The following TBC1D22A variants were observed in gnomAD, a reference collection of about 807,000 sequenced individuals.
TBC1D22A encodes TBC1 domain family member 22A.
A neutral mutation model predicts 60.2 loss-of-function variants in TBC1D22A; 38 were observed. The observed-to-expected ratio is 0.63, with a 90% CI of 0.49 to 0.83. The LOEUF (loss-of-function observed/expected upper bound fraction) is 0.83. TBC1D22A is among the 40% of genes least tolerant of loss of function. The pLI is 0.00. For synonymous variants in TBC1D22A, 302 were observed against 281.7 expected (o/e 1.07, Z -0.72); for missense variants, 628 against 701.0 (o/e 0.90, Z 1.18).
intron 4 of TBC1D22A, among the ~76,000 whole-genome samples, chr22:46,845,157 G>A (rs1318863640): frequency 3.3e-5 from 5 of 152,226 alleles, no homozygotes; most frequent in Non-Finnish European, 7.3e-5. Flanking sequence ...AGGAAAGAAC[G>A]TAACAGTGGG....
At chr22:46,840,705 C>T (rs1308439433) in intron 4 of TBC1D22A, among the ~76,000 whole-genome samples, 1 of 151,654 alleles carries the variant, frequency 6.6e-6, no homozygotes, top group African/African-American at 2.4e-5. Context: ...TGTACTCCAG[C>T]CTGGGTGGCA....
At chr22:46,806,665 A>G (rs953224903) in intron 4 of TBC1D22A, among the ~76,000 whole-genome samples, 2 of 152,208 alleles carry the variant, frequency 1.3e-5, no homozygotes, top group African/African-American at 4.8e-5. Flanking sequence ...AAAAAAGGAT[A>G]TAAAATGTGT....
chr22:46,874,617 A>G (rs191645585), intron 4 of TBC1D22A, among the ~76,000 whole-genome samples: 201 of 114,538 alleles, frequency 1.8e-3, no homozygotes, highest in African/African-American at 6.8e-3. Context: ...CTCTGCACCC[A>G]GGCTGGAATG....
At chr22:46,822,830 G>T (rs1010269275) in intron 4 of TBC1D22A, among the ~76,000 whole-genome samples, 1 of 152,130 alleles carries the variant, frequency 6.6e-6, no homozygotes, top group African/African-American at 2.4e-5. Context: ...GTTGGTGGGG[G>T]CTGAGGTCAC....
chr22:47,028,996 C>T lies in TBC1D22A; in HGVS notation c.1202-8075C>T, dbSNP rs1421517807. ...TCCCCAGGCCACCTGCACCTCTGCC[C>T]AGCTGGCTGTAAATTCAGTGGTGTC... On this transcript the variant is annotated intron_variant, in intron 10 of 12. Coordinates refer to ENST00000337137, the MANE Select transcript of TBC1D22A (RefSeq NM_014346.5). This position sits in a 1 kb window ranked among gnomAD's most constrained non-coding sequence, Gnocchi z 4.4. Among the ~76,000 whole-genome samples, 4 of 152,218 alleles carry T rather than the reference C, an allele frequency of 2.6e-5. No homozygotes were observed. The highest frequency in any genetic ancestry group is 1.3e-4 in the Admixed American group (2 of 15,286).
chr22:47,106,423 T>C (rs2065634049), intron 11 of TBC1D22A, among the ~76,000 whole-genome samples: 2 of 152,186 alleles, frequency 1.3e-5, no homozygotes, highest in Non-Finnish European at 2.9e-5. Flanking sequence ...TTAGATTGCT[T>C]ATGAAGGAAT....
intron 11 of TBC1D22A, among the ~76,000 whole-genome samples, chr22:47,054,379 C>G (rs534835208): frequency 8.5e-5 from 13 of 152,244 alleles, no homozygotes; most frequent in Admixed American, 8.5e-4. Context: ...AGGCACCACT[C>G]GAGGTGAGGG....
chr22:46,854,355 G>T (rs886135193), intron 4 of TBC1D22A, among the ~76,000 whole-genome samples: 1 of 152,238 alleles, frequency 6.6e-6, no homozygotes, highest in Non-Finnish European at 1.5e-5. Context: ...CTGCTCCACA[G>T]TGTCGACATC....
intron 1 of TBC1D22A, among the ~76,000 whole-genome samples, chr22:46,779,410 C>T (rs1456589011): frequency 6.6e-6 from 1 of 151,950 alleles, no homozygotes; most frequent in East Asian, 1.9e-4. Flanking sequence ...AGGTGCCCAC[C>T]ACCACACCTG....
At chr22:47,039,160 T>G (rs2062754528) in intron 11 of TBC1D22A, among the ~76,000 whole-genome samples, 1 of 152,230 alleles carries the variant, frequency 6.6e-6, no homozygotes, top group Admixed American at 6.5e-5. Context: ...TAATAGGTAT[T>G]AAAACTTTAA....
chr22:47,047,941 C>T (rs1030734566), intron 11 of TBC1D22A, among the ~76,000 whole-genome samples: 4 of 152,194 alleles, frequency 2.6e-5, no homozygotes, highest in Admixed American at 1.3e-4. Flanking sequence ...GTTGACAGCC[C>T]GGAAGCCAAG....
chr22:47,068,475 G>A (rs998860569), intron 11 of TBC1D22A, among the ~76,000 whole-genome samples: 22 of 152,182 alleles, frequency 1.4e-4, no homozygotes, highest in Non-Finnish European at 7.3e-5. Flanking sequence ...TTGATGTTAC[G>A]ACTTGCAGCA....
chr22:47,111,673 G>T (rs1343106967), intron 12 of TBC1D22A, 70 bp downstream of exon 12: 21 of 1,389,082 alleles, frequency 1.5e-5, no homozygotes, highest in East Asian at 4.7e-5. Context: ...TTACATTTTA[G>T]TTCACAGGGT....
intron 4 of TBC1D22A, among the ~76,000 whole-genome samples, chr22:46,868,586 C>A (rs186195483): frequency 2.0e-4 from 31 of 152,306 alleles, no homozygotes; most frequent in African/African-American, 7.2e-4. Context: ...CACCCTTCCT[C>A]ATCCCTGCCT....
intron 12 of TBC1D22A, among the ~76,000 whole-genome samples, chr22:47,167,448 C>T (rs1047799432): frequency 1.3e-5 from 2 of 152,186 alleles, no homozygotes; most frequent in Non-Finnish European, 2.9e-5. Flanking sequence ...TCCCATAACT[C>T]GGCAAGTGGG....
At chr22:46,829,745 A>G (rs548207462) in intron 4 of TBC1D22A, among the ~76,000 whole-genome samples, 1 of 152,316 alleles carries the variant, frequency 6.6e-6, no homozygotes, top group East Asian at 1.9e-4. Flanking sequence ...TCTGGCTCTT[A>G]GTTGCCTCCA....
chr22:46,820,551 A>T (rs2147093355), intron 4 of TBC1D22A, among the ~76,000 whole-genome samples: 1 of 152,262 alleles, frequency 6.6e-6, no homozygotes, highest in South Asian at 2.1e-4. Context: ...ATTTTGAGTG[A>T]TTTCTTAATC....
chr22:46,962,971 T>G (rs1293088209), intron 8 of TBC1D22A, among the ~76,000 whole-genome samples: 1 of 151,720 alleles, frequency 6.6e-6, no homozygotes, highest in Non-Finnish European at 1.5e-5. Flanking sequence ...CCCAGCACTT[T>G]GGGAGGCTGA....
At chr22:46,809,602 T>A (rs1261054079) in intron 4 of TBC1D22A, among the ~76,000 whole-genome samples, 1 of 151,156 alleles carries the variant, frequency 6.6e-6, no homozygotes, top group African/African-American at 2.4e-5. Flanking sequence ...GTCAGGGCAG[T>A]ATGGGAAACA....
Sources: allele counts gnomAD v4.1 joint callset (sites outside exome capture counted in the v4.1 genomes callset), GRCh38; gene constraint gnomAD v4.1.1; non-coding constraint Gnocchi (gnomAD v3.1); transcripts MANE v1.5; gene names NCBI Gene and HGNC (gene_info 2026-07-23, HGNC 2026-07-21).